The following SETX variants were observed in gnomAD, a reference collection of about 807,000 sequenced individuals.
SETX encodes the protein senataxin, also known as helicase senataxin.
Under a neutral mutation model 227.2 loss-of-function variants are expected in SETX, and 90 were observed. That is an observed-to-expected ratio of 0.40 (90% confidence interval 0.33 to 0.47). SETX has a LOEUF of 0.47. Ranked by LOEUF, SETX falls within the 20% of genes least tolerant of loss-of-function variation. The pLI is 0.91. For synonymous variants in SETX, 1,210 were observed against 1,113.2 expected (o/e 1.09, Z -1.73); for missense variants, 3,052 against 3,181.5 (o/e 0.96, Z 0.98).
At chr9:132,312,950 CAA>C (rs1845750307) in intron 10 of SETX, among the ~76,000 whole-genome samples, 1 of 152,104 alleles carries the variant, frequency 6.6e-6, no homozygotes, top group Admixed American at 6.6e-5. Context: ...GGATAGGCCT[CAA>C]AAAGATTACA....
intron 7 of SETX, 83 bp downstream of exon 7, chr9:132,334,525 C>T (rs901704411): frequency 1.4e-6 from 2 of 1,465,874 alleles, no homozygotes; most frequent in East Asian, 2.3e-5. Context: ...ACAACATACA[C>T]CAATTCCTGC....
chr9:132,303,970 A>C (rs945923601), intron 11 of SETX, among the ~76,000 whole-genome samples: 1 of 152,106 alleles, frequency 6.6e-6, no homozygotes, highest in Non-Finnish European at 1.5e-5. Context: ...AAAAATACAA[A>C]AATTAGTCAG....
intron 10 of SETX, among the ~76,000 whole-genome samples, chr9:132,324,317 A>G (rs909711660): frequency 3.3e-5 from 5 of 152,194 alleles, no homozygotes; most frequent in Non-Finnish European, 7.3e-5. Context: ...GAATTGATCA[A>G]AAGATTTAAC....
At position 132,293,738 on chromosome 9, in the gene SETX, T is replaced by A. The variant is rs1025973026; in HGVS notation, c.6106+2134A>T. Among the ~76,000 whole-genome samples the A allele has an allele frequency of 1.2e-3, 188 of 151,322 alleles. 3 individuals carry two copies. The highest frequency in any genetic ancestry group is 4.7e-4 in the Non-Finnish European group (32 of 67,776). ...CCCAGCCTGCTAATTAAAAAAAAAATAAGGCTGGACGTGGTGGCTCATGCC... is the reference window on the plus strand; with the variant it reads ...CCCAGCCTGCTAATTAAAAAAAAAAAAAGGCTGGACGTGGTGGCTCATGCC... On this transcript the variant is annotated intron_variant, in intron 15 of 25. Coordinates refer to ENST00000224140, the MANE Select transcript of SETX (RefSeq NM_015046.7).
intron 5 of SETX, among the ~76,000 whole-genome samples, chr9:132,341,423 CAG>C (rs561034060): frequency 2.0e-5 from 3 of 152,102 alleles, no homozygotes; most frequent in Admixed American, 6.5e-5. Context: ...GCTCATCCGA[CAG>C]GGAGGAATTC....
At position 132,278,223 on chromosome 9, in the gene SETX, A is replaced by G. The variant is rs753109637; in HGVS notation, c.6689T>C (p.Met2230Thr). 7.4e-6 allele frequency: 12 copies of G among 1,614,194 alleles called. No individual in the cohort carries two copies. The highest frequency in any genetic ancestry group is 9.3e-6 in the Non-Finnish European group (11 of 1,180,028). ...AQEYGYDQSM[M>T]ARFCRLLEEN... is the part of the protein sequence containing the mutation. ...TTCCAGCAGTCTGCAGAAGCGAGCCATCATTGACTGGTCGTAGCCATACTC... is the reference window on the plus strand; with the variant it reads ...TTCCAGCAGTCTGCAGAAGCGAGCCGTCATTGACTGGTCGTAGCCATACTC... The change falls in exon 21 of 26, where the codon ATG (methionine) becomes ACG (threonine). Residue 2230 changes from methionine to threonine, a missense_variant. Around this residue, in one of 10 missense-constraint regions of SETX, gnomAD observed 412 missense variants for 589.0 expected, o/e 0.70. Transcript: ENST00000224140.
At chr9:132,310,087 GACA>G (rs970921480) in intron 11 of SETX, among the ~76,000 whole-genome samples, 2 of 152,022 alleles carry the variant, frequency 1.3e-5, no homozygotes, top group African/African-American at 4.8e-5. Flanking sequence ...CTGAAAAAAA[GACA>G]ACAGAAAATG....
At chr9:132,284,268 T>C (rs747609863) in intron 18 of SETX, among the ~76,000 whole-genome samples, 13 of 152,352 alleles carry the variant, frequency 8.5e-5, no homozygotes, top group Admixed American at 2.6e-4. Flanking sequence ...AAAACATCTG[T>C]GAAGATGGAC....
At chr9:132,267,277 C>T (rs1309625042) in intron 25 of SETX, among the ~76,000 whole-genome samples, 1 of 152,202 alleles carries the variant, frequency 6.6e-6, no homozygotes, top group Non-Finnish European at 1.5e-5. Flanking sequence ...GTGGAGGGAG[C>T]GCCAGGCTCT....
At chr9:132,294,002 C>T (rs755103192) in intron 15 of SETX, among the ~76,000 whole-genome samples, 20 of 151,954 alleles carry the variant, frequency 1.3e-4, no homozygotes, top group Admixed American at 2.6e-4. Flanking sequence ...CCAGCCTGGG[C>T]GACAGGGTGA....
chr9:132,294,331 T>C lies in SETX; in HGVS notation c.6106+1541A>G, dbSNP rs528702476. On this transcript the variant is annotated intron_variant, in intron 15 of 25. Transcript: ENST00000224140. ...ATACCCATGTTTTAATAAAGTTTTG[T>C]AATGCTCAAGTTTGAAATAAAAAAT... Among the ~76,000 whole-genome samples the C allele has an allele frequency of 2.6e-5, 4 of 152,364 alleles. No individual in the cohort carries two copies. In the South Asian group the frequency reaches 8.3e-4, roughly 32 times the overall value.
chr9:132,309,383 G>A (rs548231067), intron 11 of SETX, among the ~76,000 whole-genome samples: 38 of 151,280 alleles, frequency 2.5e-4, no homozygotes, highest in African/African-American at 9.0e-4. Context: ...CTCTACTTGG[G>A]GGAAAAAAAA....
chr9:132,349,479 A>T, intron 2 of SETX, 44 bp from the exon 3 acceptor site: 1 of 1,591,894 alleles, frequency 6.3e-7, no homozygotes, highest in Middle Eastern at 1.7e-4. Context: ...CCAACTTCAG[A>T]CCTACTGTGT....
rs138633760 is a variant in SETX at position 132,301,385 on chromosome 9, C to A, written c.5375-582G>T. On this transcript the variant is annotated intron_variant, in intron 11 of 25. Coordinates refer to ENST00000224140, the MANE Select transcript of SETX (RefSeq NM_015046.7). Reference sequence around the variant, plus strand: ...TACAGGGGTGAGCCACTGTGCCTGGCCTATTCTGGTTTTTAACTAAATTTC... The same window carrying A: ...TACAGGGGTGAGCCACTGTGCCTGGACTATTCTGGTTTTTAACTAAATTTC... Among the ~76,000 whole-genome samples the A allele has an allele frequency of 1.6e-3, 248 of 152,106 alleles. 1 individual carries two copies. The highest frequency in any genetic ancestry group is 5.5e-3 in the African/African-American group (230 of 41,492).
At chr9:132,313,196 T>C (rs1001716286) in intron 10 of SETX, among the ~76,000 whole-genome samples, 4 of 152,252 alleles carry the variant, frequency 2.6e-5, no homozygotes. Flanking sequence ...AAAAAAACCA[T>C]TCAATTATAC....
chr9:132,306,478 C>A (rs1012943156), intron 11 of SETX, among the ~76,000 whole-genome samples: 2 of 152,180 alleles, frequency 1.3e-5, no homozygotes, highest in Non-Finnish European at 2.9e-5. Context: ...TCCCAAAGTG[C>A]TGGGATTGCA....
chr9:132,352,289 C>A (rs11243736), intron 2 of SETX, among the ~76,000 whole-genome samples: 8,772 of 152,220 alleles, frequency 0.058, 366 homozygotes, highest in East Asian at 0.25. Flanking sequence ...TACCCAATCA[C>A]CTTCATAATT....
rs1012425006 is a variant in SETX at position 132,345,827 on chromosome 9, G to C, written c.388+434C>G. Among the ~76,000 whole-genome samples the C allele has an allele frequency of 2.6e-5, 4 of 152,174 alleles. 1 individual carries two copies. The highest frequency in any genetic ancestry group is 6.5e-5 in the Admixed American group (1 of 15,282). Reference sequence around the variant, plus strand: ...AGCCCAGGAGTTCAACACCAGCCTGGGCAACAGTGAAACTTCATCTCTACA... The same window carrying C: ...AGCCCAGGAGTTCAACACCAGCCTGCGCAACAGTGAAACTTCATCTCTACA... On this transcript the variant is annotated intron_variant, in intron 4 of 25. Coordinates refer to ENST00000224140, the MANE Select transcript of SETX (RefSeq NM_015046.7).
At position 132,271,786 on chromosome 9, in the gene SETX, CCA is replaced by C. The variant is rs765371601; in HGVS notation, c.7121_7122del (p.Val2374GlyfsTer20). 3.0e-5 allele frequency: 49 copies of C among 1,613,756 alleles called. No individual in the cohort carries two copies. Among genetic ancestry groups the C allele is most frequent in the Non-Finnish European group, 3.8e-5 (45 of 1,179,862 alleles). On this transcript the variant is annotated frameshift_variant, in exon 24 of 26. Transcript: ENST00000224140. LOFTEE classifies it high-confidence loss of function. ...DRKGPAEVDT[V>X]DAFQGRQKDC... ...TCCTTCTGCCGACCCTGGAATGCAT[CCA>C]CAGTGTCTACTTCTGCTGGTCTATT...
Sources: gnomAD v4.1 joint callset for allele counts (sites outside exome capture counted in the v4.1 genomes callset) on GRCh38, gnomAD v4.1.1 for gene constraint, gnomAD v4.1.1 regional missense constraint, MANE v1.5 for transcripts, NCBI Gene and HGNC (gene_info 2026-07-23, HGNC 2026-07-21) for gene names.